Variants in PRELID2 observed in about 807,000 individuals in gnomAD.
PRELID2 encodes PRELI domain-containing protein 2.
In PRELID2, 25 loss-of-function variants were observed where a neutral mutation model predicts 28.4. The observed-to-expected ratio is 0.88, with a 90% CI of 0.64 to 1.23. The LOEUF (loss-of-function observed/expected upper bound fraction) is 1.23. Among genes scored for constraint, PRELID2 ranks in the 50% most tolerant of loss-of-function variants. The probability of loss-of-function intolerance (pLI) is 0.00; values close to 1 mark genes in which losing one functional copy is unlikely to be tolerated. For synonymous variants in PRELID2, 76 were observed against 71.6 expected (o/e 1.06, Z -0.31); for missense variants, 201 against 214.4 (o/e 0.94, Z 0.39).
chr5:145,300,288 A>G, the PRELID2 span, among the ~76,000 whole-genome samples: 12 of 152,098 alleles, frequency 7.9e-5, no homozygotes, highest in African/African-American at 2.9e-4. Flanking sequence ...ATACCTGAAA[A>G]TAGTCATTTC....
the PRELID2 span, among the ~76,000 whole-genome samples, chr5:145,454,383 CCT>C: frequency 1.8e-4 from 28 of 152,218 alleles, no homozygotes; most frequent in South Asian, 2.7e-3. Context: ...ACAAGGATGC[CCT>C]CTCTCACCAC....
chr5:145,337,093 C>T, the PRELID2 span, among the ~76,000 whole-genome samples: 4 of 150,194 alleles, frequency 2.7e-5, no homozygotes, highest in Admixed American at 2.7e-4. Context: ...GCACATGTAC[C>T]CTAAAACTTG....
chr5:145,293,654 A>T, the PRELID2 span, among the ~76,000 whole-genome samples: 1 of 152,126 alleles, frequency 6.6e-6, no homozygotes, highest in Non-Finnish European at 1.5e-5. Context: ...TTCTCATGTA[A>T]AGGATGGTTT....
intron 1 of PRELID2, among the ~76,000 whole-genome samples, chr5:145,693,165 T>TTTTTA (rs1755185197): frequency 6.6e-6 from 1 of 151,588 alleles, no homozygotes; most frequent in African/African-American, 2.4e-5. Context: ...TTTTTTTTTT[T>TTTTTA]GAGACAGGGT....
At chr5:145,480,593 T>C (rs1382245645) in intron 1 of PRELID2, among the ~76,000 whole-genome samples, 2 of 152,146 alleles carry the variant, frequency 1.3e-5, no homozygotes, top group African/African-American at 2.4e-5. Flanking sequence ...CTCACATATT[T>C]TATTTCATTG....
intron 1 of PRELID2, among the ~76,000 whole-genome samples, chr5:145,824,216 C>T (rs532673502): frequency 2.6e-5 from 4 of 152,100 alleles, no homozygotes; most frequent in South Asian, 2.1e-4. Context: ...TGAGGTTTAC[C>T]GACGTATCAT....
chr5:145,447,593 G>T, the PRELID2 span, among the ~76,000 whole-genome samples: 1 of 129,858 alleles, frequency 7.7e-6, no homozygotes, highest in Non-Finnish European at 1.6e-5. Context: ...CTAGCATTAG[G>T]TATATCTCCC....
At chr5:145,302,727 T>C in the PRELID2 span, among the ~76,000 whole-genome samples, 4 of 152,112 alleles carry the variant, frequency 2.6e-5, 1 homozygote, top group Admixed American at 2.0e-4. Flanking sequence ...TTTAAAATAG[T>C]ATATAAGTAT....
chr5:145,362,471 C>A, the PRELID2 span, among the ~76,000 whole-genome samples: 2 of 152,132 alleles, frequency 1.3e-5, no homozygotes, highest in Non-Finnish European at 2.9e-5. Context: ...TTATTTGTTT[C>A]TCCTGAATTC....
At chr5:145,774,239 C>T (rs1423016093) in intron 5 of PRELID2, among the ~76,000 whole-genome samples, 1 of 152,136 alleles carries the variant, frequency 6.6e-6, no homozygotes, top group Non-Finnish European at 1.5e-5. Context: ...AAAACTCAGC[C>T]TCGGAGAGGT....
intron 1 of PRELID2, among the ~76,000 whole-genome samples, chr5:145,600,434 A>AAATATATATATATATAT (rs1315631607): frequency 2.5e-5 from 3 of 120,094 alleles, no homozygotes; most frequent in African/African-American, 8.1e-5. Context: ...AAAAAAAAAA[A>AAATATATATATATATAT]ATATATATAT....
chr5:145,547,101 A>G (rs1024273742), intron 1 of PRELID2, among the ~76,000 whole-genome samples: 1 of 152,204 alleles, frequency 6.6e-6, no homozygotes, highest in Non-Finnish European at 1.5e-5. Context: ...TCTTCAAACA[A>G]GAATATACTT....
In PRELID2 at chr5:145,475,109, C is replaced by G. The variant is rs1485826490; in HGVS notation, n.71-1794G>C. Among the ~76,000 whole-genome samples the G allele has an allele frequency of 2.0e-5, 3 of 152,180 alleles. No individual in the cohort carries two copies. In the East Asian group the frequency reaches 5.8e-4, roughly 29 times the overall value. On this transcript the variant is annotated intron_variant and non_coding_transcript_variant, in intron 1 of 2. Transcript: ENST00000510259. ...AAGACACATGAGGACAGGGTATGTG[C>G]ATGTTATTCCATCTCAAATGCTTAG...
the PRELID2 span, among the ~76,000 whole-genome samples, chr5:145,319,766 CT>C: frequency 6.6e-6 from 1 of 152,048 alleles, no homozygotes; most frequent in Non-Finnish European, 1.5e-5. Context: ...ATTAAAGGTG[CT>C]TATTCATAAA....
chr5:145,393,574 G>C, the PRELID2 span, among the ~76,000 whole-genome samples: 1 of 152,216 alleles, frequency 6.6e-6, no homozygotes, highest in Non-Finnish European at 1.5e-5. Flanking sequence ...ATGAATTGCA[G>C]AAACAGCTGG....
At chr5:145,413,516 T>C in the PRELID2 span, among the ~76,000 whole-genome samples, 489 of 152,088 alleles carry the variant, frequency 3.2e-3, 4 homozygotes, top group African/African-American at 0.011. Flanking sequence ...ATGAGAAAGA[T>C]ACTTTCATAT....
At chr5:145,592,636 CAT>C (rs1051487294) in intron 1 of PRELID2, among the ~76,000 whole-genome samples, 12 of 152,174 alleles carry the variant, frequency 7.9e-5, no homozygotes, top group Middle Eastern at 6.8e-3. Context: ...AAAATCCAAT[CAT>C]AAAATTTTTG....
chr5:145,718,821 T>C (rs1404922895), intron 1 of PRELID2, among the ~76,000 whole-genome samples: 1 of 152,018 alleles, frequency 6.6e-6, no homozygotes, highest in East Asian at 1.9e-4. Flanking sequence ...GAGAAAAATA[T>C]AACTGGTTTC....
chr5:145,732,896 G>A (rs1756384969), intron 1 of PRELID2, among the ~76,000 whole-genome samples: 1 of 151,848 alleles, frequency 6.6e-6, no homozygotes, highest in Admixed American at 6.6e-5. Context: ...AGTGACAGTG[G>A]ACCAAGAATT....
Sources: allele counts gnomAD v4.1 joint callset (sites outside exome capture counted in the v4.1 genomes callset), GRCh38; gene constraint gnomAD v4.1.1; transcripts MANE v1.5; gene names NCBI Gene and HGNC (gene_info 2026-07-23, HGNC 2026-07-21).